The following KDM1A variants were observed in gnomAD, a reference collection of about 807,000 sequenced individuals.
KDM1A encodes the protein lysine-specific histone demethylase 1A.
In KDM1A, 49 loss-of-function variants were observed where a neutral mutation model predicts 109.4. The ratio of observed to expected loss-of-function variants is 0.45; its 90% CI spans 0.36 to 0.57. KDM1A has a LOEUF of 0.57. Ranked by LOEUF, KDM1A falls within the 20% of genes least tolerant of loss-of-function variation. The pLI, the probability that KDM1A is intolerant of heterozygous loss-of-function variation, is 0.00. For missense variants in KDM1A, 668 were observed against 1,116.6 expected, an observed-to-expected ratio of 0.60 and a Z score of 5.73; for synonymous variants, 380 against 415.4, an observed-to-expected ratio of 0.91 and a Z score of 1.04.
At position 23,083,403 on chromosome 1, in the gene KDM1A, T is replaced by C; in HGVS notation, c.*39T>C. 6.4e-7 allele frequency: 1 copy of C among 1,570,584 alleles called. No individual in the cohort carries two copies. The highest frequency in any genetic ancestry group is 8.7e-7 in the Non-Finnish European group (1 of 1,153,872). The stretch of plus-strand genomic sequence containing the variant: ...TAAGGGAAGAGGCCCATGTGCCTGT[T>C]TCTGCCATGTAAGGAAGGCTCTTCT... On this transcript the variant is annotated 3_prime_UTR_variant, in exon 21 of 21. Transcript: ENST00000400181.
chr1:23,042,440 A>ATTATTTTTTTT (rs1553127465), intron 2 of KDM1A, among the ~76,000 whole-genome samples: 4 of 21,558 alleles, frequency 1.9e-4, no homozygotes, highest in South Asian at 1.3e-3. Context: ...GAAATATATT[A>ATTATTTTTTTT]TTTTTTTTTT....
rs1553127465 is a variant in KDM1A, at chr1:23,042,440, A to ATTATTATTATTTTTTTTTTTTTTTT, written c.518-1985_518-1984insATTATTATTTTTTTTTTTTTTTTTT. Reference sequence around the variant, plus strand: ...TTTTTAAAAATCTATGAAATATATTATTTTTTTTTTTTTTTTTTTTTTTTT... The same window carrying ATTATTATTATTTTTTTTTTTTTTTT: ...TTTTTAAAAATCTATGAAATATATTATTATTATTATTTTTTTTTTTTTTTTTTTTTTTTTTTTTTTTTTTTTTTTT... On this transcript the variant is annotated intron_variant, in intron 2 of 20. Coordinates refer to ENST00000400181, the MANE Select transcript of KDM1A (RefSeq NM_001009999.3). Among the ~76,000 whole-genome samples, 19 of 21,568 alleles carry ATTATTATTATTTTTTTTTTTTTTTT rather than the reference A, an allele frequency of 8.8e-4. 3 individuals are homozygous for ATTATTATTATTTTTTTTTTTTTTTT. Among genetic ancestry groups the ATTATTATTATTTTTTTTTTTTTTTT allele is most frequent in the East Asian group, 5.2e-3 (3 of 580 alleles). 14.1% of individuals were successfully genotyped at this position (21,568 alleles called of 152,430 possible). A position where few individuals can be genotyped will look rare whatever the true frequency, so the allele number is the denominator to read the frequency against.
intron 6 of KDM1A, 57 bp from the exon 7 acceptor site, chr1:23,055,875 G>C: frequency 8.8e-7 from 1 of 1,135,872 alleles, no homozygotes; most frequent in Non-Finnish European, 1.3e-6. Context: ...AAATAAGACT[G>C]TAAGTACAAA....
At chr1:23,041,435 CTTTTTT>C (rs66720696) in intron 2 of KDM1A, among the ~76,000 whole-genome samples, 1 of 53,006 alleles carries the variant, frequency 1.9e-5, no homozygotes, top group Non-Finnish European at 3.2e-5. Flanking sequence ...TCTTTTCTTG[CTTTTTT>C]TTTTTTTTTT....
At chr1:23,053,738 C>G (rs752051384) in intron 4 of KDM1A, 23 bp from the exon 5 acceptor site, 1 of 1,509,060 alleles carries the variant, frequency 6.6e-7, no homozygotes, top group Non-Finnish European at 9.2e-7. Context: ...GTATGTAATA[C>G]AATTTATGTC....
In KDM1A at chr1:23,079,099, A is replaced by G; in HGVS notation, c.1977A>G (p.Pro659=). 1 of 1,614,208 alleles carries G rather than the reference A, an allele frequency of 6.2e-7. No individual in the cohort carries two copies. Among genetic ancestry groups the G allele is most frequent in the Non-Finnish European group, 8.5e-7 (1 of 1,180,018 alleles). Residue 659 remains proline, a synonymous_variant, in exon 17 of 21, where the codon CCA becomes CCG. Transcript: ENST00000400181. This position sits in a 1 kb window ranked among gnomAD's most constrained non-coding sequence, Gnocchi z 5.6. ...TGGGTGTGCTGAAGCAGCAGCCACCAGCCGTTCAGTTTGTGCCACCTCTCC... is the reference window on the plus strand; with the variant it reads ...TGGGTGTGCTGAAGCAGCAGCCACCGGCCGTTCAGTTTGTGCCACCTCTCC... ...LPLGVLKQQP[P]AVQFVPPLPE... is the part of the protein sequence containing the mutation.
chr1:23,068,697 C>G lies in KDM1A; in HGVS notation c.1322+16C>G. On this transcript the variant is annotated intron_variant, in intron 11 of 20. Coordinates refer to ENST00000400181, the MANE Select transcript of KDM1A (RefSeq NM_001009999.3). ...TTGTCATTCAGTAAGTACTTTGATA[C>G]TGCTTATTGTATAGTGAGTTCCATG... is the stretch of plus-strand genomic sequence containing the variant. 1 of 1,528,342 alleles carries G rather than the reference C, an allele frequency of 6.5e-7. No homozygotes were observed. The highest frequency in any genetic ancestry group is 8.7e-7 in the Non-Finnish European group (1 of 1,146,840). 94.7% of individuals were successfully genotyped at this position (1,528,342 alleles called of 1,614,324 possible). A position where few individuals can be genotyped will look rare whatever the true frequency, so the allele number is the denominator to read the frequency against.
chr1:23,025,557 T>G (rs1161013281), intron 1 of KDM1A, among the ~76,000 whole-genome samples: 1 of 151,992 alleles, frequency 6.6e-6, no homozygotes, highest in East Asian at 1.9e-4. Flanking sequence ...CTAGAACTCC[T>G]TACCTCAGGT....
chr1:23,038,254 T>TTGTGTGTG (rs56016343), intron 2 of KDM1A, among the ~76,000 whole-genome samples: 122 of 149,320 alleles, frequency 8.2e-4, no homozygotes, highest in East Asian at 5.1e-3. Context: ...CTGGAACTGT[T>TTGTGTGTG]TGTGTGTGTG....
At position 23,047,889 on chromosome 1, in the gene KDM1A, C is replaced by T. The variant is rs1207334491; in HGVS notation, c.578-2498C>T. 6.0e-5 allele frequency among the ~76,000 whole-genome samples: 9 copies of T among 151,038 alleles called. No homozygotes were observed. In the East Asian group the frequency reaches 1.2e-3, roughly 20 times the overall value. On this transcript the variant is annotated intron_variant, in intron 3 of 20. Coordinates refer to ENST00000400181, the MANE Select transcript of KDM1A (RefSeq NM_001009999.3). The stretch of plus-strand genomic sequence containing the variant: ...AGGAGCCTGGACAACAGAGGGAGAC[C>T]CTGTCCTTCCCCCTGCCAAAAAAAA...
At position 23,078,989 on chromosome 1, in the gene KDM1A, G is replaced by A; in HGVS notation, c.1868-1G>A. On this transcript the variant is annotated splice_acceptor_variant, in intron 16 of 20. Coordinates refer to ENST00000400181, the MANE Select transcript of KDM1A (RefSeq NM_001009999.3). LOFTEE classifies it high-confidence loss of function. Reference sequence around the variant, plus strand: ...AGTCTTTTCCCACCCAACCTCTGCAGGATGTGAAGTGATAGCTGTGAATAC... The same window carrying A: ...AGTCTTTTCCCACCCAACCTCTGCAAGATGTGAAGTGATAGCTGTGAATAC... 1 of 1,613,012 alleles carries A rather than the reference G, an allele frequency of 6.2e-7. No individual in the cohort carries two copies. Among genetic ancestry groups the A allele is most frequent in the Non-Finnish European group, 8.5e-7 (1 of 1,179,164 alleles).
At position 23,059,095 on chromosome 1, in the gene KDM1A, C is replaced by A. The variant is rs1211554069; in HGVS notation, c.1095C>A (p.Val365=). 3 of 1,611,532 alleles carry A rather than the reference C, an allele frequency of 1.9e-6. No homozygotes were observed. Among genetic ancestry groups the A allele is most frequent in the East Asian group, 2.2e-5 (1 of 44,770 alleles). The change falls in exon 9 of 21, where the codon GTC becomes GTA. Residue 365 remains valine, a synonymous_variant. Coordinates refer to ENST00000400181, the MANE Select transcript of KDM1A (RefSeq NM_001009999.3). The stretch of plus-strand genomic sequence containing the variant: ...TAGGAGGGAATCCTATGGCTGTGGT[C>A]AGCAAACAAGTAAATATGGAACTGG... ...TGLGGNPMAV[V]SKQVNMELAK...
chr1:23,041,725 G>A (rs1288469505), intron 2 of KDM1A, among the ~76,000 whole-genome samples: 2 of 152,012 alleles, frequency 1.3e-5, no homozygotes, highest in African/African-American at 4.8e-5. Flanking sequence ...ACAGGCGTGA[G>A]CCACTGTGCC....
chr1:23,027,164 G>T (rs933287574), intron 1 of KDM1A, among the ~76,000 whole-genome samples: 2 of 151,820 alleles, frequency 1.3e-5, no homozygotes, highest in East Asian at 3.9e-4. Flanking sequence ...GTAGTATTAA[G>T]AAGTTAAAAT....
chr1:23,033,632 T>TA (rs1194288360), intron 2 of KDM1A, among the ~76,000 whole-genome samples: 1 of 152,246 alleles, frequency 6.6e-6, no homozygotes, highest in Non-Finnish European at 1.5e-5. Context: ...TGCAGTGTGT[T>TA]AATCTTAACA....
chr1:23,019,973 G>C, intron 1 of KDM1A, 26 bp downstream of exon 1: 1 of 1,480,712 alleles, frequency 6.8e-7, no homozygotes, highest in Non-Finnish European at 8.9e-7. Flanking sequence ...TCCCTCAAAC[G>C]ACACCGCCTG....
intron 14 of KDM1A, 129 bp from the exon 15 acceptor site, chr1:23,073,163 A>T: frequency 3.5e-6 from 2 of 569,452 alleles, no homozygotes; most frequent in African/African-American, 3.7e-5. Flanking sequence ...CTACTTTTTG[A>T]TTTGTAATTT....
At chr1:23,050,320 A>G in intron 3 of KDM1A, 67 bp from the exon 4 acceptor site, 3 of 1,480,226 alleles carry the variant, frequency 2.0e-6, no homozygotes, top group Non-Finnish European at 2.7e-6. Flanking sequence ...AAGGAATTTA[A>G]GCGTCATCAC....
chr1:23,038,013 T>A (rs1018694121), intron 2 of KDM1A, among the ~76,000 whole-genome samples: 5 of 152,340 alleles, frequency 3.3e-5, no homozygotes, highest in African/African-American at 1.2e-4. Flanking sequence ...TGAGACTTGT[T>A]ATGAGAATCA....
Sources: allele counts gnomAD v4.1 joint callset (sites outside exome capture counted in the v4.1 genomes callset), GRCh38; gene constraint gnomAD v4.1.1; non-coding constraint Gnocchi (gnomAD v3.1); transcripts MANE v1.5; gene names NCBI Gene and HGNC (gene_info 2026-07-23, HGNC 2026-07-21).